Variants in CNTN5 observed in about 807,000 individuals in gnomAD.
CNTN5 encodes the protein contactin 5, also known as contactin-5.
In CNTN5, 77 loss-of-function variants were observed where a neutral mutation model predicts 129.1. The ratio of observed to expected loss-of-function variants is 0.60; its 90% confidence interval spans 0.50 to 0.72. The LOEUF is 0.72. Ranked by LOEUF, CNTN5 falls within the 30% of genes least tolerant of loss-of-function variation. The pLI is 0.00. For missense variants in CNTN5, 1,478 were observed against 1,328.8 expected, an observed-to-expected ratio of 1.11 and a Z score of -1.75; for synonymous variants, 509 against 465.6, an observed-to-expected ratio of 1.09 and a Z score of -1.20.
chr11:99,294,379 C>A (rs956261183), intron 1 of CNTN5, among the ~76,000 whole-genome samples: 8 of 151,898 alleles, frequency 5.3e-5, no homozygotes, highest in African/African-American at 1.7e-4. Flanking sequence ...CAGCAGCAAA[C>A]AATTTGAAAA....
At chr11:99,878,096 T>C (rs1411665976) in intron 6 of CNTN5, among the ~76,000 whole-genome samples, 2 of 152,218 alleles carry the variant, frequency 1.3e-5, no homozygotes, top group Admixed American at 6.5e-5. Flanking sequence ...CAAAAAATGA[T>C]GGCATCTGGA....
intron 1 of CNTN5, among the ~76,000 whole-genome samples, chr11:99,057,816 G>GTGTGTA (rs1374518298): frequency 5.3e-5 from 8 of 150,814 alleles, no homozygotes; most frequent in Non-Finnish European, 5.9e-5. Flanking sequence ...GTGTGTGTGT[G>GTGTGTA]TATGGTCATA....
chr11:99,628,827 T>G (rs1565365607), intron 3 of CNTN5, among the ~76,000 whole-genome samples: 1 of 152,054 alleles, frequency 6.6e-6, no homozygotes, highest in Non-Finnish European at 1.5e-5. Flanking sequence ...AATAATGGCC[T>G]TCCCTTATAT....
intron 1 of CNTN5, among the ~76,000 whole-genome samples, chr11:99,235,381 C>T (rs1159454941): frequency 1.3e-5 from 2 of 151,928 alleles, no homozygotes; most frequent in African/African-American, 2.4e-5. Context: ...TCATGAGCTT[C>T]AAATTTAAAT....
At chr11:100,225,037 T>A (rs1362058651) in intron 16 of CNTN5, 2 of 355,478 alleles carry the variant, frequency 5.6e-6, no homozygotes, top group African/African-American at 4.1e-5. Context: ...CCAAAACACC[T>A]TTAGTAGTAA....
At chr11:100,332,025 A>G (rs1384864642) in intron 21 of CNTN5, among the ~76,000 whole-genome samples, 1 of 152,126 alleles carries the variant, frequency 6.6e-6, no homozygotes, top group Non-Finnish European at 1.5e-5. Flanking sequence ...AGAAAAATAC[A>G]AAAGATAAAT....
At chr11:99,499,405 G>T (rs754033728) in intron 2 of CNTN5, among the ~76,000 whole-genome samples, 9 of 152,102 alleles carry the variant, frequency 5.9e-5, no homozygotes, top group Non-Finnish European at 8.8e-5. Context: ...GCAGCGTTCA[G>T]TCTCTTGCCC....
chr11:100,181,320 A>C (rs561623513), intron 13 of CNTN5, among the ~76,000 whole-genome samples: 4 of 152,112 alleles, frequency 2.6e-5, no homozygotes, highest in African/African-American at 9.6e-5. Flanking sequence ...AAAGTTATAT[A>C]CTGTTAGATT....
At chr11:99,128,112 G>A (rs1378625773) in intron 1 of CNTN5, among the ~76,000 whole-genome samples, 2 of 152,200 alleles carry the variant, frequency 1.3e-5, no homozygotes, top group East Asian at 3.9e-4. Context: ...CATGGAAAAG[G>A]GACTGAAGCC....
intron 2 of CNTN5, among the ~76,000 whole-genome samples, chr11:99,483,311 T>C (rs1169454864): frequency 6.6e-6 from 1 of 152,050 alleles, no homozygotes; most frequent in Non-Finnish European, 1.5e-5. Flanking sequence ...GTTTTATACA[T>C]TGCCATTCTT....
chr11:99,532,290 G>T (rs188481047), intron 2 of CNTN5, among the ~76,000 whole-genome samples: 1 of 152,178 alleles, frequency 6.6e-6, no homozygotes, highest in African/African-American at 2.4e-5. Flanking sequence ...TCTTCTGTTT[G>T]GAATGGCTGT....
chr11:100,071,597 T>G, intron 11 of CNTN5, 108 bp from the exon 12 acceptor site: 1 of 692,690 alleles, frequency 1.4e-6, no homozygotes, highest in Non-Finnish European at 2.2e-6. Context: ...AAATAATGTT[T>G]AACTGTATTA....
At chr11:100,321,947 T>C (rs73565631) in intron 21 of CNTN5, among the ~76,000 whole-genome samples, 1,870 of 152,278 alleles carry the variant, frequency 0.012, 47 homozygotes, top group African/African-American at 0.043. Flanking sequence ...GCTAGTATTT[T>C]CTTGAGGGTT....
intron 2 of CNTN5, among the ~76,000 whole-genome samples, chr11:99,405,293 A>G (rs1397851295): frequency 6.6e-6 from 1 of 152,050 alleles, no homozygotes; most frequent in East Asian, 1.9e-4. Flanking sequence ...TTTGACTAAC[A>G]TTCTATCCCT....
intron 3 of CNTN5, among the ~76,000 whole-genome samples, chr11:99,654,782 T>TA (rs1487070903): frequency 6.6e-6 from 1 of 152,140 alleles, no homozygotes; most frequent in Non-Finnish European, 1.5e-5. Context: ...ATGTATTGTG[T>TA]AAAAATCCCA....
intron 1 of CNTN5, among the ~76,000 whole-genome samples, chr11:99,092,369 T>C (rs1866287258): frequency 6.6e-6 from 1 of 152,090 alleles, no homozygotes; most frequent in African/African-American, 2.4e-5. Context: ...CCTAAATATC[T>C]GAGCTTATAT....
intron 1 of CNTN5, among the ~76,000 whole-genome samples, chr11:99,103,098 G>A (rs182718801): frequency 8.7e-4 from 132 of 152,224 alleles, no homozygotes; most frequent in Middle Eastern, 3.4e-3. Context: ...GATCTCGTAA[G>A]GCTTATTCAC....
At chr11:99,208,173 C>T (rs1859576664) in intron 1 of CNTN5, among the ~76,000 whole-genome samples, 2 of 152,056 alleles carry the variant, frequency 1.3e-5, no homozygotes, top group Non-Finnish European at 2.9e-5. Context: ...TATAAACAGG[C>T]TTTGTAGCTT....
intron 20 of CNTN5, among the ~76,000 whole-genome samples, chr11:100,300,886 A>G (rs1292758500): frequency 6.6e-6 from 1 of 151,658 alleles, no homozygotes; most frequent in Admixed American, 6.6e-5. Context: ...GTTAAAACCA[A>G]ATATGAAATT....
Sources: allele counts gnomAD v4.1 joint callset (sites outside exome capture counted in the v4.1 genomes callset), GRCh38; gene constraint gnomAD v4.1.1; transcripts MANE v1.5; gene names NCBI Gene and HGNC (gene_info 2026-07-23, HGNC 2026-07-21).